CHL1: variants seen among roughly 807,000 people sequenced by gnomAD.
CHL1 encodes cell adhesion molecule L1 like, also known as neural cell adhesion molecule L1-like protein.
Under a neutral mutation model 141.9 loss-of-function variants are expected in CHL1, and 96 were observed. The ratio of observed to expected loss-of-function variants is 0.68; its 90% CI spans 0.57 to 0.80. The LOEUF (loss-of-function observed/expected upper bound fraction) is 0.80, where lower values mean the gene tolerates loss of function less well. CHL1 is among the 30% of genes least tolerant of loss of function. CHL1 has a pLI of 0.00. For missense variants in CHL1, 1,820 were observed against 1,457.2 expected (o/e 1.25, Z -4.05); for synonymous variants, 613 against 502.2 (o/e 1.22, Z -2.95).
At chr3:242,882 A>T (rs958304881) in intron 1 of CHL1, among the ~76,000 whole-genome samples, 20 of 152,132 alleles carry the variant, frequency 1.3e-4, no homozygotes, top group African/African-American at 4.6e-4. Context: ...CTGTCTTGAA[A>T]ATCCTAAGTG....
chr3:301,723 T>A (rs1268208547), intron 2 of CHL1, among the ~76,000 whole-genome samples: 1 of 152,204 alleles, frequency 6.6e-6, no homozygotes, highest in Non-Finnish European at 1.5e-5. Context: ...CTTGCTGTCT[T>A]GTAGTCTTTT....
chr3:398,926 G>C, intron 25 of CHL1, 91 bp from the exon 26 acceptor site: 1 of 1,247,396 alleles, frequency 8.0e-7, no homozygotes, highest in Non-Finnish European at 1.2e-6. Flanking sequence ...TATTTGGTAT[G>C]TTTAAAAATG....
chr3:242,749 T>C (rs1306836959), intron 1 of CHL1, among the ~76,000 whole-genome samples: 1 of 152,018 alleles, frequency 6.6e-6, no homozygotes, highest in Non-Finnish European at 1.5e-5. Context: ...ACATGATTAA[T>C]GTGAATGCCT....
intron 2 of CHL1, among the ~76,000 whole-genome samples, chr3:268,326 G>T (rs569510110): frequency 2.0e-5 from 3 of 152,118 alleles, no homozygotes; most frequent in Non-Finnish European, 2.9e-5. Context: ...TTGAGGTCAC[G>T]AGTTTGAGAG....
chr3:355,174 C>T (rs1326362926), intron 11 of CHL1, among the ~76,000 whole-genome samples: 1 of 152,170 alleles, frequency 6.6e-6, no homozygotes, highest in African/African-American at 2.4e-5. Flanking sequence ...AACAGCAACA[C>T]CTGTCCTGGG....
intron 19 of CHL1, among the ~76,000 whole-genome samples, chr3:386,881 G>C (rs1362112923): frequency 6.6e-6 from 1 of 152,098 alleles, no homozygotes; most frequent in African/African-American, 2.4e-5. Flanking sequence ...AAATTGTTGA[G>C]AGACTAGGTT....
At chr3:399,461 G>T (rs1022179078) in intron 26 of CHL1, among the ~76,000 whole-genome samples, 6 of 152,150 alleles carry the variant, frequency 3.9e-5, no homozygotes, top group African/African-American at 1.4e-4. Context: ...CCAACATGAT[G>T]AAACCCCGTC....
intron 1 of CHL1, among the ~76,000 whole-genome samples, chr3:239,909 T>G (rs1692389640): frequency 6.6e-6 from 1 of 152,216 alleles, no homozygotes; most frequent in Admixed American, 6.5e-5. Context: ...TCCAGGGTGC[T>G]GTGAATGCGG....
intron 1 of CHL1, among the ~76,000 whole-genome samples, chr3:234,326 G>C (rs966175634): frequency 7.2e-5 from 11 of 151,926 alleles, no homozygotes; most frequent in African/African-American, 2.2e-4. Context: ...ACCAATTGCT[G>C]TCTCCTACAA....
rs539593306 is a variant in CHL1 at position 224,746 on chromosome 3, C to T, written c.-174-19867C>T. Among the ~76,000 whole-genome samples the T allele has an allele frequency of 3.3e-4, 51 of 152,276 alleles. No homozygotes were observed. In the South Asian group the frequency reaches 4.8e-3, roughly 14 times the overall value. On this transcript the variant is annotated intron_variant, in intron 1 of 27. Coordinates refer to ENST00000256509, the MANE Select transcript of CHL1 (RefSeq NM_006614.4). ...TTCTTTATAGCAATGCAAGAATGGC[C>T]TAATACATTTATTGTCATAATTTTG...
In CHL1 at chr3:382,655, T is replaced by A; in HGVS notation, c.2160T>A (p.His720Gln). The change falls in exon 18 of 28, where the codon CAT (histidine) becomes CAA (glutamine). Residue 720 changes from histidine (H) to glutamine (Q), a missense_variant. Physicochemically the swap from His to Gln is conservative, Grantham distance 24 (BLOSUM62 0). Coordinates refer to ENST00000256509, the MANE Select transcript of CHL1 (RefSeq NM_006614.4). ...AGCCTAGCCAGCCGTCAGACCATCA[T>A]GAAACACCACCAGCAGGTATGCAGG... Reference protein sequence around the residue: ...RSQPSQPSDHHETPPAAPDRN... With the variant: ...RSQPSQPSDHQETPPAAPDRN... 6.2e-7 allele frequency: 1 copy of A among 1,613,680 alleles called. No homozygotes were observed. The highest frequency in any genetic ancestry group is 8.5e-7 in the Non-Finnish European group (1 of 1,179,748).
chr3:396,017 T>G (rs1277665671), intron 24 of CHL1, among the ~76,000 whole-genome samples: 1 of 152,208 alleles, frequency 6.6e-6, no homozygotes, highest in Non-Finnish European at 1.5e-5. Flanking sequence ...TTATTGTGCC[T>G]ACTATATCTA....
intron 27 of CHL1, among the ~76,000 whole-genome samples, chr3:403,178 A>G (rs1346913492): frequency 6.6e-6 from 1 of 152,202 alleles, no homozygotes; most frequent in Non-Finnish European, 1.5e-5. Flanking sequence ...TCCTAACTCC[A>G]TACCACGTAG....
chr3:308,322 C>G (rs114079029), intron 2 of CHL1, among the ~76,000 whole-genome samples: 2,543 of 152,218 alleles, frequency 0.017, 62 homozygotes, highest in African/African-American at 0.058. Context: ...TGAATAGGAT[C>G]TGGCAACTGC....
chr3:250,488 G>A (rs6763045), intron 2 of CHL1, among the ~76,000 whole-genome samples: 4,176 of 152,168 alleles, frequency 0.027, 171 homozygotes, highest in African/African-American at 0.097. Context: ...AGTAAGATTT[G>A]TCTGTGCAGA....
intron 2 of CHL1, among the ~76,000 whole-genome samples, chr3:301,184 G>A (rs924870869): frequency 1.7e-4 from 26 of 152,164 alleles, no homozygotes; most frequent in Admixed American, 9.2e-4. Flanking sequence ...AGACCCCAGA[G>A]TGTCTACATT....
Position 350,876 on chromosome 3 carries a change from A to G in CHL1, c.1033+1333A>G, listed in dbSNP as rs143118686. On this transcript the variant is annotated intron_variant, in intron 10 of 27. Coordinates refer to ENST00000256509, the MANE Select transcript of CHL1 (RefSeq NM_006614.4). ...TTGACATTAAATTATTCACAAAGAA[A>G]TTCAAGGAAGAAGAGTTTGAAAGAT... is the stretch of plus-strand genomic sequence containing the variant. Among the ~76,000 whole-genome samples the G allele has an allele frequency of 9.9e-4, 151 of 152,312 alleles. 3 individuals carry two copies. In the East Asian group the frequency reaches 0.023, roughly 23 times the overall value.
At chr3:321,731 G>A (rs1293999351) in intron 3 of CHL1, among the ~76,000 whole-genome samples, 1 of 151,914 alleles carries the variant, frequency 6.6e-6, no homozygotes, top group Non-Finnish European at 1.5e-5. Flanking sequence ...GACAACAATT[G>A]TTATAAAATA....
intron 15 of CHL1, chr3:376,494 C>A: frequency 2.1e-6 from 1 of 478,288 alleles, no homozygotes; most frequent in Admixed American, 2.2e-5. Flanking sequence ...TTGGAGGCAC[C>A]TAAGATACAT....
Sources: gnomAD v4.1 joint callset for allele counts (sites outside exome capture counted in the v4.1 genomes callset) on GRCh38, gnomAD v4.1.1 for gene constraint, MANE v1.5 for transcripts, NCBI Gene and HGNC (gene_info 2026-07-23, HGNC 2026-07-21) for gene names.